DCP2: variants seen among roughly 807,000 people sequenced by gnomAD.
DCP2 encodes the protein m7GpppN-mRNA hydrolase.
DCP2 carries 30 observed loss-of-function variants against 56.1 expected under a neutral mutation model. That is an observed-to-expected ratio of 0.53 (90% CI 0.40 to 0.73). The LOEUF is 0.73. DCP2 is among the 30% of genes least tolerant of loss of function. DCP2 has a pLI of 0.00. For synonymous variants in DCP2, 197 were observed against 163.3 expected (o/e 1.21, Z -1.57); for missense variants, 533 against 502.7 (o/e 1.06, Z -0.58).
At chr5:112,987,751 G>A (rs190469186) in intron 2 of DCP2, among the ~76,000 whole-genome samples, 2 of 150,628 alleles carry the variant, frequency 1.3e-5, no homozygotes, top group Non-Finnish European at 2.9e-5. Context: ...TGGGATTACA[G>A]GTATGAGCAA....
intron 8 of DCP2, 74 bp from the exon 9 acceptor site, chr5:113,007,862 CAT>C: frequency 2.3e-6 from 3 of 1,299,448 alleles, no homozygotes; most frequent in South Asian, 2.9e-5. Flanking sequence ...ACCAGCTAAA[CAT>C]ATTCATGGGG....
intron 8 of DCP2, among the ~76,000 whole-genome samples, chr5:113,004,951 C>A (rs1197773717): frequency 1.3e-5 from 2 of 151,886 alleles, no homozygotes; most frequent in Non-Finnish European, 2.9e-5. Flanking sequence ...TGGTGAAACC[C>A]CGTCTTTACT....
Position 113,013,311 on chromosome 5 carries a change from C to T in DCP2, c.1100-10C>T. On this transcript the variant is annotated splice_polypyrimidine_tract_variant and intron_variant, in intron 10 of 10. Transcript: ENST00000389063. ...ACTGAGCTTATTTATTTTGTTTTTT[C>T]TTTAAACAGATGCTGTATATGACTT... The T allele has an allele frequency of 6.2e-7, 1 of 1,601,056 alleles. No individual in the cohort carries two copies. Among genetic ancestry groups the T allele is most frequent in the Non-Finnish European group, 8.5e-7 (1 of 1,173,800 alleles).
rs200601945 is a variant in DCP2, at chr5:113,007,916, A to G, written c.943-22A>G. ...TTACATTATGCTATAGATTCATATT[A>G]TATTTCTTTTTGGGAAAACAGAATC... On this transcript the variant is annotated intron_variant, in intron 8 of 10. Transcript: ENST00000389063. 86 of 1,590,666 alleles carry G rather than the reference A, an allele frequency of 5.4e-5. No individual in the cohort carries two copies. The East Asian group carries it at 9.6e-4, about 18-fold the overall frequency.
chr5:113,006,270 G>C (rs1198553101), intron 8 of DCP2, among the ~76,000 whole-genome samples: 1 of 152,158 alleles, frequency 6.6e-6, no homozygotes, highest in Non-Finnish European at 1.5e-5. Context: ...GAGACACAAA[G>C]TAGAGATTAC....
chr5:113,003,818 A>T (rs776978497), intron 7 of DCP2, 124 bp from the exon 8 acceptor site: 2 of 1,113,750 alleles, frequency 1.8e-6, no homozygotes, highest in East Asian at 2.6e-5. Flanking sequence ...TAGAACTTAC[A>T]TTCCAGTGGG....
chr5:112,985,664 A>C (rs1019977043), intron 1 of DCP2, among the ~76,000 whole-genome samples, 171 bp from the exon 2 acceptor site: 1 of 152,168 alleles, frequency 6.6e-6, no homozygotes, highest in South Asian at 2.1e-4. Context: ...TCTCCTCTCT[A>C]AGACTCATCT....
intron 8 of DCP2, among the ~76,000 whole-genome samples, chr5:113,007,605 T>C (rs1016799059): frequency 3.9e-5 from 6 of 152,056 alleles, no homozygotes; most frequent in African/African-American, 1.4e-4. Context: ...TTTTGCTGTG[T>C]TAGCCAGGAT....
chr5:112,992,822 G>A (rs1338602340), intron 4 of DCP2, 52 bp downstream of exon 4: 6 of 1,423,658 alleles, frequency 4.2e-6, no homozygotes, highest in East Asian at 2.6e-5. Flanking sequence ...GGGTCTGAAT[G>A]TATTTTTTTT....
chr5:112,991,797 G>T (rs1267544511), intron 2 of DCP2, among the ~76,000 whole-genome samples: 1 of 152,156 alleles, frequency 6.6e-6, no homozygotes, highest in Non-Finnish European at 1.5e-5. Context: ...TGTTTACATG[G>T]TCCAGAATTA....
chr5:112,991,007 C>A (rs1748562096), intron 2 of DCP2, among the ~76,000 whole-genome samples: 1 of 152,034 alleles, frequency 6.6e-6, no homozygotes, highest in Non-Finnish European at 1.5e-5. Context: ...TGTTATGAAA[C>A]ATTCCTTTCT....
At chr5:113,004,313 A>G (rs1390956812) in intron 8 of DCP2, among the ~76,000 whole-genome samples, 2 of 152,246 alleles carry the variant, frequency 1.3e-5, no homozygotes, top group Admixed American at 6.5e-5. Context: ...TATGCTGCCA[A>G]TGAAAGGTTC....
At chr5:112,997,369 T>G (rs1478154986) in intron 4 of DCP2, among the ~76,000 whole-genome samples, 2 of 152,216 alleles carry the variant, frequency 1.3e-5, no homozygotes, top group African/African-American at 4.8e-5. Context: ...GAATAATACT[T>G]AGCTGTTCAC....
chr5:112,980,259 C>G lies in DCP2; in HGVS notation c.53+3273C>G, dbSNP rs563739163. ...AAATGCTTAGAATTTTTTTAAAGCC[C>G]TTTTTAAGAGTTGGGTATAGTAAGG... On this transcript the variant is annotated intron_variant, in intron 1 of 10. Transcript: ENST00000389063. Among the ~76,000 whole-genome samples the G allele has an allele frequency of 3.9e-5, 6 of 152,000 alleles. No homozygotes were observed. In the South Asian group the frequency reaches 8.3e-4, roughly 21 times the overall value.
rs3733969 is a variant in DCP2, at chr5:112,992,680, A to G, written c.342A>G (p.Leu114=). 0.75 allele frequency: 1,189,476 copies of G among 1,575,808 alleles called. 450,025 individuals are homozygous for G. The highest frequency in any genetic ancestry group is 0.83 in the East Asian group (35,170 of 42,568). ...ILDETLENVL[L]VQGYLAKSGW... ...TTCTGCTTGTTTTGTAGGTACTACTAGTTCAGGGGTACCTAGCAAAATCAG... is the reference window on the plus strand; with the variant it reads ...TTCTGCTTGTTTTGTAGGTACTACTGGTTCAGGGGTACCTAGCAAAATCAG... Residue 114 remains leucine, a synonymous_variant, in exon 4 of 11, where the codon CTA becomes CTG. Transcript: ENST00000389063.
chr5:112,992,136 C>A lies in DCP2; in HGVS notation c.221C>A (p.Pro74Gln). The A allele has an allele frequency of 6.2e-7, 1 of 1,613,598 alleles. No homozygotes were observed. Among genetic ancestry groups the A allele is most frequent in the Non-Finnish European group, 8.5e-7 (1 of 1,179,886 alleles). ...DFAKAVFSHC[P>Q]FLLPQGEDVE... ...CTATTTATACTCTTCAGTCATTGTC[C>A]GTTTTTGCTGCCTCAAGGTGAAGAT... The change falls in exon 3 of 11, where the codon CCG becomes CAG. Residue 74 changes from proline (P) to glutamine (Q), a missense_variant. Transcript: ENST00000389063.
At chr5:112,995,615 C>T (rs1309524429) in intron 4 of DCP2, among the ~76,000 whole-genome samples, 2 of 152,092 alleles carry the variant, frequency 1.3e-5, no homozygotes, top group Non-Finnish European at 2.9e-5. Context: ...AGAATTTTTT[C>T]GTTTTCATAA....
chr5:112,982,791 G>A (rs533294724), intron 1 of DCP2, among the ~76,000 whole-genome samples: 2 of 152,202 alleles, frequency 1.3e-5, no homozygotes, highest in East Asian at 3.9e-4. Flanking sequence ...TTTTCTTCTG[G>A]TTCCTCAATT....
intron 1 of DCP2, among the ~76,000 whole-genome samples, chr5:112,978,394 C>A (rs1352531806): frequency 6.6e-6 from 1 of 152,180 alleles, no homozygotes; most frequent in Non-Finnish European, 1.5e-5. Context: ...CAAACAGATT[C>A]AGGAACTTTG....
Sources: allele counts gnomAD v4.1 joint callset (sites outside exome capture counted in the v4.1 genomes callset), GRCh38; gene constraint gnomAD v4.1.1; transcripts MANE v1.5; gene names NCBI Gene and HGNC (gene_info 2026-07-23, HGNC 2026-07-21).